Variants in RETREG2 observed in about 807,000 individuals in gnomAD.
The protein encoded by RETREG2 is reticulophagy regulator family member 2.
In RETREG2, 21 loss-of-function variants were observed where a neutral mutation model predicts 51.6. The observed-to-expected ratio is 0.41, with a 90% CI of 0.29 to 0.59. RETREG2 has a LOEUF of 0.59. RETREG2 is among the 20% of genes least tolerant of loss of function. RETREG2 has a pLI of 0.34. For missense variants in RETREG2, 674 were observed against 646.0 expected (o/e 1.04, Z -0.47); for synonymous variants, 339 against 288.6 (o/e 1.17, Z -1.77).
At chr2:219,178,779 AT>A in intron 1 of RETREG2, 142 bp from the exon 2 acceptor site, 8 of 1,162,666 alleles carry the variant, frequency 6.9e-6, no homozygotes, top group Admixed American at 2.7e-5. Flanking sequence ...TGAATTGCCC[AT>A]TTTTTTCTAT....
At chr2:219,178,757 C>G (rs1950228453) in intron 1 of RETREG2, 124 bp downstream of exon 1, 1 of 1,232,318 alleles carries the variant, frequency 8.1e-7, no homozygotes, top group Non-Finnish European at 1.1e-6. Context: ...TTTTTGCAGG[C>G]TGACATCCGC....
chr2:219,178,410 C>T lies in RETREG2; in HGVS notation c.58C>T (p.Leu20=). 2 of 571,920 alleles carry T rather than the reference C, an allele frequency of 3.5e-6. No individual in the cohort carries two copies. Among genetic ancestry groups the T allele is most frequent in the Non-Finnish European group, 5.9e-6 (2 of 339,246 alleles). 35.4% of individuals were successfully genotyped at this position (571,920 alleles called of 1,614,324 possible). A position where few individuals can be genotyped will look rare whatever the true frequency, so the allele number is the denominator to read the frequency against. Residue 20 remains leucine (L), a synonymous_variant, in exon 1 of 9, where the codon CTG becomes TTG. Transcript: ENST00000430297. The stretch of plus-strand genomic sequence containing the variant: ...CGCGGGTGGGGGGCCGGGGATGGGC[C>T]TGAGCCTGGGCCTGGGTCTGGGTCT... ...TGAGGGPGMG[L]SLGLGLGLSL...
rs551475242 is a variant in RETREG2, at chr2:219,181,843, T to G, written c.1015+68T>G. ...TGTGTTCCCTACCATGGGTACTTACTGTGCTCTCTGGCCCACTCACTCTCT... is the reference window on the plus strand; with the variant it reads ...TGTGTTCCCTACCATGGGTACTTACGGTGCTCTCTGGCCCACTCACTCTCT... On this transcript the variant is annotated intron_variant, in intron 8 of 8. Coordinates refer to ENST00000430297, the MANE Select transcript of RETREG2 (RefSeq NM_024293.6). 5.0e-5 allele frequency: 80 copies of G among 1,589,100 alleles called. 2 individuals carry two copies. Among genetic ancestry groups the G allele is most frequent in the Non-Finnish European group, 4.3e-6 (5 of 1,164,448 alleles).
At chr2:219,178,806 CGCGAGTT>C in intron 1 of RETREG2, 109 bp from the exon 2 acceptor site, 1 of 1,115,792 alleles carries the variant, frequency 9.0e-7, no homozygotes, top group Non-Finnish European at 1.3e-6. Context: ...AGTCGTGAGT[CGCGAGTT>C]AGGCCTGGAG....
chr2:219,179,874 C>A, intron 3 of RETREG2, 111 bp downstream of exon 3: 8 of 1,310,572 alleles, frequency 6.1e-6, no homozygotes, highest in Non-Finnish European at 8.8e-6. Flanking sequence ...GAACTGGTAA[C>A]AAGCCATGGG....
chr2:219,181,414 C>G lies in RETREG2; in HGVS notation c.830C>G (p.Ala277Gly). ...CCCCCAGGAGGTGATGAGCCACTGG[C>G]AGAGACAGAGAGTGAAAGCGAGGCA... ...NAPPGGDEPL[A>G]ETESESEAEL... The change falls in exon 7 of 9, where the codon GCA (alanine) becomes GGA (glycine). Residue 277 changes from alanine to glycine, a missense_variant. Ala to Gly is a moderately conservative substitution (Grantham distance 60). Coordinates refer to ENST00000430297, the MANE Select transcript of RETREG2 (RefSeq NM_024293.6). 6.2e-7 allele frequency: 1 copy of G among 1,614,076 alleles called. No homozygotes were observed. Among genetic ancestry groups the G allele is most frequent in the Non-Finnish European group, 8.5e-7 (1 of 1,179,996 alleles).
At chr2:219,181,330 T>A in intron 6 of RETREG2, 39 bp from the exon 7 acceptor site, 1 of 1,609,272 alleles carries the variant, frequency 6.2e-7, no homozygotes, top group Non-Finnish European at 8.5e-7. Context: ...CTCCCATCAT[T>A]CATGCTTGGT....
Position 219,179,757 on chromosome 2 carries a change from C to CT in RETREG2, c.414dup (p.Asp139Ter). ...GCATCATCCCCAGAGGAGCCACACT[C>CT]TGACAGGTGAGTACAGGCCACCTCT... On this transcript the variant is annotated frameshift_variant, in exon 3 of 9. Coordinates refer to ENST00000430297, the MANE Select transcript of RETREG2 (RefSeq NM_024293.6). LOFTEE classifies it high-confidence loss of function. The CT allele has an allele frequency of 6.2e-7, 1 of 1,614,122 alleles. No homozygotes were observed. Among genetic ancestry groups the CT allele is most frequent in the Non-Finnish European group, 8.5e-7 (1 of 1,179,974 alleles).
Position 219,182,783 on chromosome 2 carries a change from C to T in RETREG2, c.*154C>T, listed in dbSNP as rs918156064. Reference sequence around the variant, plus strand: ...TTCCACCCTCTGCCTGCCTGCCTGCCTGCTGTCCTGGGCATGGTGCAGTAC... The same window carrying T: ...TTCCACCCTCTGCCTGCCTGCCTGCTTGCTGTCCTGGGCATGGTGCAGTAC... On this transcript the variant is annotated 3_prime_UTR_variant, in exon 9 of 9. Coordinates refer to ENST00000430297, the MANE Select transcript of RETREG2 (RefSeq NM_024293.6). The T allele has an allele frequency of 5.2e-5, 42 of 807,838 alleles. No individual in the cohort carries two copies. Among genetic ancestry groups the T allele is most frequent in the Non-Finnish European group, 7.7e-5 (40 of 516,716 alleles). The allele number at this position is 807,838 out of a possible 1,614,324, so 50.0% of individuals were successfully genotyped here.
rs925111340 is a variant in RETREG2 at position 219,178,324 on chromosome 2, C to A, written c.-29C>A. ...GCGGCCGCGCAGCCCTGGCTCCTCG[C>A]GGGCTCGGGCGGCGGCTGCGGCGGG... On this transcript the variant is annotated 5_prime_UTR_variant, in exon 1 of 9. Transcript: ENST00000430297. 2 of 396,378 alleles carry A rather than the reference C, an allele frequency of 5.0e-6. No individual in the cohort carries two copies. The highest frequency in any genetic ancestry group is 8.9e-6 in the Non-Finnish European group (2 of 224,716). 24.6% of individuals were successfully genotyped at this position (396,378 alleles called of 1,614,324 possible).
At chr2:219,180,982 C>T in intron 5 of RETREG2, 80 bp from the exon 6 acceptor site, 2 of 1,580,890 alleles carry the variant, frequency 1.3e-6, no homozygotes, top group Non-Finnish European at 1.7e-6. Flanking sequence ...ACCTTCAGCA[C>T]TTCAGTTTAG....
At position 219,179,007 on chromosome 2, in the gene RETREG2, C is replaced by T. The variant is rs1398513856; in HGVS notation, c.367C>T (p.Arg123Cys). The T allele has an allele frequency of 1.2e-6, 2 of 1,612,478 alleles. No individual in the cohort carries two copies. The highest frequency in any genetic ancestry group is 1.7e-6 in the Non-Finnish European group (2 of 1,178,516). The change falls in exon 2 of 9, where the codon CGC becomes TGC. Residue 123 changes from arginine to cysteine, a missense_variant. Transcript: ENST00000430297. ...AYFLLDLWQP[R>C]FLPDVSASSP... Reference sequence around the variant, plus strand: ...TTTTCTGCTGGATCTCTGGCAGCCTCGCTTTCTCCCTGACGTTTCAGGTGA... The same window carrying T: ...TTTTCTGCTGGATCTCTGGCAGCCTTGCTTTCTCCCTGACGTTTCAGGTGA...
At position 219,181,774 on chromosome 2, in the gene RETREG2, G is replaced by T; in HGVS notation, c.1014G>T (p.Glu338Asp). The T allele has an allele frequency of 6.2e-7, 1 of 1,613,230 alleles. No homozygotes were observed. Among genetic ancestry groups the T allele is most frequent in the South Asian group, 1.1e-5 (1 of 91,074 alleles). ...ATTPQLTDVSEDLDQQSLPSE... is the reference protein window; with the variant it reads ...ATTPQLTDVSDDLDQQSLPSE... ...CTCCGCAGCTGACTGATGTCTCCGA[G>T]GGTATGGGGAGCCCTTTGCTGCCCT... Residue 338 changes from glutamate to aspartate, a missense_variant and splice_region_variant, in exon 8 of 9, where the codon GAG (glutamate) becomes GAT (aspartate). Transcript: ENST00000430297.
Position 219,181,046 on chromosome 2 carries a change from C to G in RETREG2, c.641-16C>G. 13 of 1,613,258 alleles carry G rather than the reference C, an allele frequency of 8.1e-6. No individual in the cohort carries two copies. Among genetic ancestry groups the G allele is most frequent in the Non-Finnish European group, 1.1e-5 (13 of 1,179,398 alleles). ...ATTGGCGTAGGGAGCTCTTAGTTCA[C>G]GTTCTTAACCCATAGTGTTGAGTAT... is the stretch of plus-strand genomic sequence containing the variant. On this transcript the variant is annotated splice_polypyrimidine_tract_variant and intron_variant, in intron 5 of 8. Transcript: ENST00000430297.
rs1950329309 is a variant in RETREG2 at position 219,184,829 on chromosome 2, T to TTTTTTTTG, written c.*2207_*2208insGTTTTTTT. 1.5e-5 allele frequency: 2 copies of TTTTTTTTG among 132,066 alleles called. No individual in the cohort carries two copies. The highest frequency in any genetic ancestry group is 7.6e-5 in the Admixed American group (1 of 13,186). The allele number at this position is 132,066 out of a possible 1,614,324, so 8.2% of individuals were successfully genotyped here. On this transcript the variant is annotated 3_prime_UTR_variant, in exon 9 of 9. Transcript: ENST00000430297. ...TTGGTTTTTTGTTTTTTGTGGGTTT[T>TTTTTTTTG]TTTTTTTTTTTTTTTGAGACGGAGT...
rs974811445 is a variant in RETREG2, at chr2:219,183,782, A to G, written c.*1153A>G. On this transcript the variant is annotated 3_prime_UTR_variant, in exon 9 of 9. Coordinates refer to ENST00000430297, the MANE Select transcript of RETREG2 (RefSeq NM_024293.6). The stretch of plus-strand genomic sequence containing the variant: ...GGGACCATAAAAATTGTGTTTTACC[A>G]TGTGGCCTACAACCTTAACACTGCT... The G allele has an allele frequency of 6.6e-6, 1 of 152,234 alleles. No individual in the cohort carries two copies. The highest frequency in any genetic ancestry group is 1.9e-4 in the East Asian group (1 of 5,206). The allele number at this position is 152,234 out of a possible 1,614,324, so 9.4% of individuals were successfully genotyped here. A position where few individuals can be genotyped will look rare whatever the true frequency, so the allele number is the denominator to read the frequency against.
At chr2:219,179,114 C>T in intron 2 of RETREG2, 86 bp downstream of exon 2, 1 of 1,006,734 alleles carries the variant, frequency 9.9e-7, no homozygotes, top group Non-Finnish European at 1.6e-6. Flanking sequence ...GCGAGGGGAA[C>T]GTACAGCAGG....
intron 4 of RETREG2, 114 bp from the exon 5 acceptor site, chr2:219,180,556 C>G: frequency 6.4e-7 from 1 of 1,570,770 alleles, no homozygotes; most frequent in South Asian, 1.2e-5. Flanking sequence ...ACTGGACCAC[C>G]CCATTCCTTG....
In RETREG2 at chr2:219,184,844, T is replaced by TTTTTTTTTTTG. The variant is rs1950329773; in HGVS notation, c.*2215_*2216insTTTTTTTTTTG. On this transcript the variant is annotated 3_prime_UTR_variant, in exon 9 of 9. Coordinates refer to ENST00000430297, the MANE Select transcript of RETREG2 (RefSeq NM_024293.6). ...TTGTGGGTTTTTTTTTTTTTTTTTT[T>TTTTTTTTTTTG]GAGACGGAGTCTTGTTCTGTTGCCC... The TTTTTTTTTTTG allele has an allele frequency of 3.0e-5, 4 of 134,136 alleles. No homozygotes were observed. The highest frequency in any genetic ancestry group is 3.1e-5 in the African/African-American group (1 of 31,848). The allele number at this position is 134,136 out of a possible 1,614,324, so 8.3% of individuals were successfully genotyped here. A position where few individuals can be genotyped will look rare whatever the true frequency, so the allele number is the denominator to read the frequency against.
Sources: allele counts gnomAD v4.1 joint callset, GRCh38; gene constraint gnomAD v4.1.1; transcripts MANE v1.5; gene names NCBI Gene and HGNC (gene_info 2026-07-23, HGNC 2026-07-21).